The following OSBPL10 variants were observed in gnomAD, a reference collection of about 807,000 sequenced individuals.
The protein encoded by OSBPL10 is oxysterol-binding protein-related protein 10.
In OSBPL10, 49 loss-of-function variants were observed where a neutral mutation model predicts 81.7. That is an observed-to-expected ratio of 0.60 (90% confidence interval 0.48 to 0.76). OSBPL10 has a LOEUF of 0.76. Ranked by LOEUF, OSBPL10 falls within the 30% of genes least tolerant of loss-of-function variation. The pLI is 0.00. For missense variants in OSBPL10, 923 were observed against 987.8 expected, an observed-to-expected ratio of 0.93 and a Z score of 0.88; for synonymous variants, 419 against 383.6, an observed-to-expected ratio of 1.09 and a Z score of -1.08.
At chr3:31,678,353 A>C (rs1033440106) in intron 8 of OSBPL10, among the ~76,000 whole-genome samples, 3 of 152,150 alleles carry the variant, frequency 2.0e-5, no homozygotes, top group East Asian at 1.9e-4. Flanking sequence ...GGAAGAAGGG[A>C]AAGATGAACA....
At chr3:31,843,594 C>T (rs1398628058) in intron 3 of OSBPL10, among the ~76,000 whole-genome samples, 1 of 152,168 alleles carries the variant, frequency 6.6e-6, no homozygotes, top group Admixed American at 6.5e-5. Flanking sequence ...AAATGGTATG[C>T]TTGCTTTAAT....
At chr3:31,944,694 G>C (rs1281088691) in intron 1 of OSBPL10, among the ~76,000 whole-genome samples, 2 of 151,944 alleles carry the variant, frequency 1.3e-5, no homozygotes, top group Non-Finnish European at 2.9e-5. Context: ...TCTCCTTGGA[G>C]ACACCTTCTT....
At chr3:31,784,886 C>CG (rs1436880239) in intron 4 of OSBPL10, among the ~76,000 whole-genome samples, 6 of 14,208 alleles carry the variant, frequency 4.2e-4, no homozygotes, top group South Asian at 2.5e-3. Flanking sequence ...TTTGGGGGGG[C>CG]GGGGGGGTGG....
chr3:31,801,935 T>C (rs1228687403), intron 4 of OSBPL10, among the ~76,000 whole-genome samples: 1 of 152,192 alleles, frequency 6.6e-6, no homozygotes, highest in East Asian at 1.9e-4. Flanking sequence ...CAAATTCTCC[T>C]GCCTCAGCCT....
At chr3:31,940,944 C>T (rs1244533461) in intron 1 of OSBPL10, among the ~76,000 whole-genome samples, 1 of 152,090 alleles carries the variant, frequency 6.6e-6, no homozygotes, top group African/African-American at 2.4e-5. Context: ...GGCCAACTCT[C>T]TCATCTTAAA....
intron 1 of OSBPL10, among the ~76,000 whole-genome samples, chr3:32,051,971 G>C (rs1185310663): frequency 6.6e-6 from 1 of 152,100 alleles, no homozygotes; most frequent in Non-Finnish European, 1.5e-5. Flanking sequence ...TGGTAGGCCG[G>C]GTGCAGTGGC....
intron 6 of OSBPL10, among the ~76,000 whole-genome samples, chr3:31,727,488 T>C (rs2125652342): frequency 6.6e-6 from 1 of 152,296 alleles, no homozygotes; most frequent in Admixed American, 6.5e-5. Context: ...GATAATCCTA[T>C]CACCCACGAA....
chr3:31,917,208 G>A (rs1163953912), intron 1 of OSBPL10, among the ~76,000 whole-genome samples: 2 of 152,158 alleles, frequency 1.3e-5, no homozygotes, highest in Admixed American at 6.5e-5. Context: ...CAGTTACAGC[G>A]TTCATGTGAG....
intron 1 of OSBPL10, among the ~76,000 whole-genome samples, chr3:32,047,859 G>T (rs1453876115): frequency 6.6e-6 from 1 of 152,002 alleles, no homozygotes; most frequent in Admixed American, 6.5e-5. Context: ...TAGAGATGGG[G>T]TTTCACCATG....
At chr3:31,933,623 T>C (rs1697308149) in intron 1 of OSBPL10, among the ~76,000 whole-genome samples, 3 of 152,052 alleles carry the variant, frequency 2.0e-5, no homozygotes, top group Admixed American at 2.0e-4. Flanking sequence ...TTGTCTAGGT[T>C]GGTCTTCAAC....
intron 4 of OSBPL10, among the ~76,000 whole-genome samples, chr3:31,827,024 T>C (rs1412597479): frequency 6.6e-6 from 1 of 152,170 alleles, no homozygotes; most frequent in Non-Finnish European, 1.5e-5. Context: ...AGAAATATAC[T>C]GTCACCCAAG....
chr3:31,721,261 T>A (rs1399410409), intron 6 of OSBPL10: 1 of 152,278 alleles, frequency 6.6e-6, no homozygotes, highest in African/African-American at 2.4e-5. Context: ...ACTTTAAGTT[T>A]AGCCCACTGA....
chr3:31,944,152 C>A lies in OSBPL10; in HGVS notation c.281+36747G>T, dbSNP rs1575051180. Among the ~76,000 whole-genome samples the A allele has an allele frequency of 2.0e-5, 3 of 151,956 alleles. No homozygotes were observed. In the South Asian group the frequency reaches 6.2e-4, roughly 32 times the overall value. On this transcript the variant is annotated intron_variant, in intron 1 of 11. Transcript: ENST00000396556. The stretch of plus-strand genomic sequence containing the variant: ...TTCATGAATTATTTCTTCTGCACTT[C>A]TTTGATTACTATTTTAGCATATCTT...
At chr3:31,878,772 C>A (rs1701544475) in intron 2 of OSBPL10, among the ~76,000 whole-genome samples, 1 of 151,668 alleles carries the variant, frequency 6.6e-6, no homozygotes, top group Admixed American at 6.6e-5. Flanking sequence ...ATACATACTA[C>A]TTTTCCTCAG....
chr3:31,976,812 T>G (rs768720510), intron 1 of OSBPL10, among the ~76,000 whole-genome samples: 2 of 152,172 alleles, frequency 1.3e-5, no homozygotes, highest in Non-Finnish European at 2.9e-5. Flanking sequence ...TATTGAGTTC[T>G]TACAACCCTG....
chr3:31,681,089 C>G (rs923748113), intron 8 of OSBPL10, among the ~76,000 whole-genome samples: 2 of 152,196 alleles, frequency 1.3e-5, no homozygotes, highest in Admixed American at 1.3e-4. Context: ...AAGGCCTAAA[C>G]TGGGTGACCC....
intron 4 of OSBPL10, among the ~76,000 whole-genome samples, chr3:31,764,812 TG>T (rs1333988117): frequency 6.6e-6 from 1 of 152,170 alleles, no homozygotes; most frequent in Non-Finnish European, 1.5e-5. Context: ...TATATGATCG[TG>T]GGATAAAGAA....
At chr3:31,967,515 AATTC>A (rs1476662411) in intron 1 of OSBPL10, among the ~76,000 whole-genome samples, 1 of 152,162 alleles carries the variant, frequency 6.6e-6, no homozygotes, top group Non-Finnish European at 1.5e-5. Flanking sequence ...TATAAATGGT[AATTC>A]ATTATAATTT....
intron 6 of OSBPL10, among the ~76,000 whole-genome samples, chr3:31,727,756 T>C (rs1696853153): frequency 6.6e-6 from 1 of 152,204 alleles, no homozygotes; most frequent in Admixed American, 6.5e-5. Flanking sequence ...TGTTCATCTC[T>C]AAAAATCTAT....
Sources: allele counts gnomAD v4.1 joint callset (sites outside exome capture counted in the v4.1 genomes callset), GRCh38; gene constraint gnomAD v4.1.1; transcripts MANE v1.5; gene names NCBI Gene and HGNC (gene_info 2026-07-23, HGNC 2026-07-21).